The following UBASH3A variants were observed in gnomAD, a reference collection of about 807,000 sequenced individuals.
UBASH3A encodes ubiquitin-associated and SH3 domain-containing protein A.
Under a neutral mutation model 73.5 loss-of-function variants are expected in UBASH3A, and 63 were observed. The ratio of observed to expected loss-of-function variants is 0.86; its 90% CI spans 0.70 to 1.06. The LOEUF (loss-of-function observed/expected upper bound fraction) is 1.06, where lower values mean the gene tolerates loss of function less well. Among genes scored for constraint, UBASH3A ranks in the 50% least tolerant of loss-of-function variants. The pLI, the probability that UBASH3A is intolerant of heterozygous loss-of-function variation, is 0.00. For synonymous variants in UBASH3A, 363 were observed against 351.1 expected, an observed-to-expected ratio of 1.03 and a Z score of -0.38; for missense variants, 860 against 859.0, an observed-to-expected ratio of 1.00 and a Z score of -0.02.
chr21:42,410,267 C>G, intron 3 of UBASH3A: 2 of 677,118 alleles, frequency 3.0e-6, no homozygotes, highest in Non-Finnish European at 5.4e-6. Flanking sequence ...GAGAGACAGA[C>G]AGCCACTGCT....
At chr21:42,432,355 C>A (rs983424310) in intron 9 of UBASH3A, among the ~76,000 whole-genome samples, 153 bp downstream of exon 9, 1 of 134,566 alleles carries the variant, frequency 7.4e-6, no homozygotes, top group Non-Finnish European at 1.6e-5. Flanking sequence ...AACGTGCCTG[C>A]TACATCTTCC....
chr21:42,419,706 T>TA (rs1347486143), intron 7 of UBASH3A, among the ~76,000 whole-genome samples: 8 of 152,226 alleles, frequency 5.3e-5, no homozygotes, highest in Non-Finnish European at 1.0e-4. Context: ...GTTTCCAACT[T>TA]ACAATGGTTT....
At chr21:42,416,757 C>T in intron 6 of UBASH3A, 146 bp downstream of exon 6, 1 of 821,598 alleles carries the variant, frequency 1.2e-6, no homozygotes, top group Non-Finnish European at 1.7e-6. Flanking sequence ...CATGGTGAAA[C>T]CTCGTCTCTA....
At chr21:42,425,276 A>G (rs1013976643) in intron 7 of UBASH3A, among the ~76,000 whole-genome samples, 1 of 152,236 alleles carries the variant, frequency 6.6e-6, no homozygotes, top group African/African-American at 2.4e-5. Flanking sequence ...TGTTCACAGC[A>G]TAATCTTGAT....
chr21:42,447,275 G>C lies in UBASH3A; in HGVS notation c.*81G>C. On this transcript the variant is annotated 3_prime_UTR_variant, in exon 15 of 15. Transcript: ENST00000319294. ...AGGCTGGGAGATGCTGCTGTTTCCA[G>C]AGGCGTCTTAGTCTCACCCAATGTG... The C allele has an allele frequency of 6.8e-7, 1 of 1,472,226 alleles. No individual in the cohort carries two copies. The highest frequency in any genetic ancestry group is 9.2e-7 in the Non-Finnish European group (1 of 1,084,716). The allele number at this position is 1,472,226 out of a possible 1,614,324, so 91.2% of individuals were successfully genotyped here.
Position 42,442,490 on chromosome 21 carries a change from C to A in UBASH3A, c.1525C>A (p.Pro509Thr). The A allele has an allele frequency of 1.2e-6, 2 of 1,614,010 alleles. No individual in the cohort carries two copies. Among genetic ancestry groups the A allele is most frequent in the Non-Finnish European group, 1.7e-6 (2 of 1,179,974 alleles). The change falls in exon 12 of 15, where the codon CCT (proline) becomes ACT (threonine). Residue 509 changes from proline (P) to threonine (T), a missense_variant. Transcript: ENST00000319294. ...GAAAAAAATCAAGATACGAGTGGAA[C>A]CTGGAATCTTTGAATGGACAAAATG... ...LEKKIKIRVE[P>T]GIFEWTKWEA...
In UBASH3A at chr21:42,418,613, A is replaced by T. The variant is rs373919107; in HGVS notation, c.1046+4A>T. 5.6e-6 allele frequency: 9 copies of T among 1,612,884 alleles called. No individual in the cohort carries two copies. The highest frequency in any genetic ancestry group is 6.8e-6 in the Non-Finnish European group (8 of 1,179,376). On this transcript the variant is annotated splice_donor_region_variant and intron_variant, in intron 7 of 14. Coordinates refer to ENST00000319294, the MANE Select transcript of UBASH3A (RefSeq NM_018961.4). ...CTGACACGTGGGTGAAGCACAGGTG[A>T]GTGCTGCCTCTGGCTGCAGCCCCGT...
chr21:42,423,845 C>T (rs2053386698), intron 7 of UBASH3A, among the ~76,000 whole-genome samples: 2 of 152,178 alleles, frequency 1.3e-5, no homozygotes, highest in South Asian at 4.2e-4. Context: ...CTGATTGGTC[C>T]TGCTTTGGAA....
chr21:42,434,932 C>A lies in UBASH3A; in HGVS notation c.1371C>A (p.Gly457=). ...FENDPPLSSC[G]IFQSRIAGDA... Reference sequence around the variant, plus strand: ...ACGATCCCCCATTATCATCGTGTGGCATTTTCCAGTCCAGAATTGCAGGTA... The same window carrying A: ...ACGATCCCCCATTATCATCGTGTGGAATTTTCCAGTCCAGAATTGCAGGTA... The change falls in exon 10 of 15, where the codon GGC becomes GGA. Residue 457 remains glycine, a synonymous_variant. Transcript: ENST00000319294. The A allele has an allele frequency of 6.2e-7, 1 of 1,614,174 alleles. No homozygotes were observed.
intron 12 of UBASH3A, 90 bp downstream of exon 12, chr21:42,442,686 C>G: frequency 1.4e-6 from 2 of 1,427,436 alleles, no homozygotes; most frequent in Non-Finnish European, 1.9e-6. Flanking sequence ...GTAAGAAAGA[C>G]TTTATTCAAG....
At position 42,447,278 on chromosome 21, in the gene UBASH3A, G is replaced by A. The variant is rs2053861034; in HGVS notation, c.*84G>A. 1.4e-6 allele frequency: 2 copies of A among 1,443,520 alleles called. No individual in the cohort carries two copies. The highest frequency in any genetic ancestry group is 2.1e-5 in the Admixed American group (1 of 48,066). 89.4% of individuals were successfully genotyped at this position (1,443,520 alleles called of 1,614,324 possible). On this transcript the variant is annotated 3_prime_UTR_variant, in exon 15 of 15. Transcript: ENST00000319294. ...CTGGGAGATGCTGCTGTTTCCAGAG[G>A]CGTCTTAGTCTCACCCAATGTGATT...
intron 3 of UBASH3A, chr21:42,410,016 C>T: frequency 1.4e-6 from 1 of 697,448 alleles, no homozygotes; most frequent in Admixed American, 2.0e-5. Flanking sequence ...ACTAGCACAG[C>T]CCCTAAAACA....
At position 42,411,314 on chromosome 21, in the gene UBASH3A, C is replaced by G. The variant is rs546703222; in HGVS notation, c.354+1706C>G. Among the ~76,000 whole-genome samples, 3 of 152,016 alleles carry G rather than the reference C, an allele frequency of 2.0e-5. No homozygotes were observed. In the East Asian group the frequency reaches 5.8e-4, roughly 29 times the overall value. ...AAACAGATACACACAGATATACACA[C>G]ACAGGAATACACAGATACATGCACA... On this transcript the variant is annotated intron_variant, in intron 3 of 14. Transcript: ENST00000319294.
intron 8 of UBASH3A, among the ~76,000 whole-genome samples, chr21:42,428,138 G>T (rs187179687): frequency 3.9e-5 from 6 of 152,250 alleles, no homozygotes; most frequent in African/African-American, 1.2e-4. Context: ...CCCAGAGAGA[G>T]GCCTCAAAAG....
intron 6 of UBASH3A, among the ~76,000 whole-genome samples, chr21:42,417,927 G>A (rs1170347950): frequency 1.5e-5 from 2 of 133,514 alleles, no homozygotes; most frequent in Non-Finnish European, 3.1e-5. Flanking sequence ...CTGTCACCCA[G>A]GGTAGAATGC....
chr21:42,446,172 A>G (rs2053840903), intron 14 of UBASH3A, among the ~76,000 whole-genome samples: 1 of 152,132 alleles, frequency 6.6e-6, no homozygotes, highest in South Asian at 2.1e-4. Flanking sequence ...ACCCCCTTCC[A>G]TAGATGCCAA....
At position 42,404,001 on chromosome 21, in the gene UBASH3A, G is replaced by T; in HGVS notation, c.56G>T (p.Arg19Leu). The change falls in exon 1 of 15, where the codon CGC (arginine) becomes CTC (leucine). Residue 19 changes from arginine (R) to leucine (L), a missense_variant. Arg to Leu is a moderately radical substitution (Grantham distance 102). Transcript: ENST00000319294. Reference sequence around the variant, plus strand: ...AAGGTCTCCAACAAGCTCAAGAGCCGCAGCAGCCCCTCGCTCCTGGAGCCC... The same window carrying T: ...AAGGTCTCCAACAAGCTCAAGAGCCTCAGCAGCCCCTCGCTCCTGGAGCCC... ...YAKVSNKLKSRSSPSLLEPLL... is the reference protein window; with the variant it reads ...YAKVSNKLKSLSSPSLLEPLL... 5 of 1,528,070 alleles carry T rather than the reference G, an allele frequency of 3.3e-6. No homozygotes were observed. The highest frequency in any genetic ancestry group is 4.4e-6 in the Non-Finnish European group (5 of 1,133,764). 94.7% of individuals were successfully genotyped at this position (1,528,070 alleles called of 1,614,324 possible). A position where few individuals can be genotyped will look rare whatever the true frequency, so the allele number is the denominator to read the frequency against.
chr21:42,404,817 C>A (rs1011778076), intron 1 of UBASH3A, among the ~76,000 whole-genome samples: 2 of 152,072 alleles, frequency 1.3e-5, no homozygotes, highest in Non-Finnish European at 2.9e-5. Flanking sequence ...AGTGTGAGCG[C>A]GACCCTGCTT....
intron 2 of UBASH3A, among the ~76,000 whole-genome samples, chr21:42,407,277 G>A (rs1338856932): frequency 6.6e-6 from 1 of 152,174 alleles, no homozygotes; most frequent in African/African-American, 2.4e-5. Flanking sequence ...TGGGAGGCTG[G>A]AGTGTCCTCT....
Sources: allele counts gnomAD v4.1 joint callset (sites outside exome capture counted in the v4.1 genomes callset), GRCh38; gene constraint gnomAD v4.1.1; transcripts MANE v1.5; gene names NCBI Gene and HGNC (gene_info 2026-07-23, HGNC 2026-07-21).